DENND3: variants seen among roughly 807,000 people sequenced by gnomAD.
The protein encoded by DENND3 is DENN domain containing 3.
A neutral mutation model predicts 135.1 loss-of-function variants in DENND3; 88 were observed. That is an observed-to-expected ratio of 0.65 (90% CI 0.55 to 0.78). The LOEUF (loss-of-function observed/expected upper bound fraction) is 0.78, where lower values mean the gene tolerates loss of function less well. Among genes scored for constraint, DENND3 ranks in the 30% least tolerant of loss-of-function variants. DENND3 has a pLI of 0.00. For missense variants in DENND3, 1,392 were observed against 1,688.4 expected (o/e 0.82, Z 3.08); for synonymous variants, 693 against 712.3 (o/e 0.97, Z 0.43).
rs2154612831 is a variant in DENND3, at chr8:141,144,602, C to G, written c.735+343C>G. Among the ~76,000 whole-genome samples the G allele has an allele frequency of 6.6e-6, 1 of 152,226 alleles. No homozygotes were observed. The highest frequency in any genetic ancestry group is 2.1e-4 in the South Asian group (1 of 4,824). On this transcript the variant is annotated intron_variant, in intron 5 of 22. Coordinates refer to ENST00000519811, the MANE Select transcript of DENND3 (RefSeq NM_001352890.3). This position sits in a 1 kb window ranked among gnomAD's most constrained non-coding sequence, Gnocchi z 4.4. ...CCTCCCTACTGACTGAACAGGTTCC[C>G]TCTTGGCCAACGGGACCCTAGAAAA...
intron 1 of DENND3, 113 bp from the exon 2 acceptor site, chr8:141,136,396 T>A: frequency 8.8e-7 from 1 of 1,131,338 alleles, no homozygotes; most frequent in Non-Finnish European, 1.2e-6. Context: ...GAGGCGCCAG[T>A]GTTTATGGGC....
intron 15 of DENND3, 91 bp downstream of exon 15, chr8:141,176,852 G>A (rs564662578): frequency 5.4e-6 from 8 of 1,470,178 alleles, no homozygotes; most frequent in Middle Eastern, 5.0e-4. Flanking sequence ...TCAGCTGTGA[G>A]TGCTCGGGCT....
chr8:141,164,062 C>G (rs988761266), intron 10 of DENND3, among the ~76,000 whole-genome samples: 5 of 152,218 alleles, frequency 3.3e-5, no homozygotes, highest in African/African-American at 1.2e-4. Context: ...CCATCCCTCC[C>G]CAGGTCCTGG....
chr8:141,158,255 A>T (rs1819689753), intron 8 of DENND3: 1 of 1,289,278 alleles, frequency 7.8e-7, no homozygotes, highest in South Asian at 1.2e-5. Flanking sequence ...TGAAGGAGAC[A>T]CGTGCTTTCC....
In DENND3 at chr8:141,128,950, C is replaced by T. The variant is rs1415747100; in HGVS notation, c.102+141C>T. On this transcript the variant is annotated intron_variant, in intron 1 of 22. Transcript: ENST00000519811. The surrounding 1 kb of genome is among the most constrained non-coding windows in gnomAD (Gnocchi z 4.5). ...TCCCGGTCCCCCGGCGGTGACCCCG[C>T]GCGCCTGTGGCCGGGGATCGCGCCC... 1 of 610,214 alleles carries T rather than the reference C, an allele frequency of 1.6e-6. No individual in the cohort carries two copies. The highest frequency in any genetic ancestry group is 2.5e-6 in the Non-Finnish European group (1 of 402,484). 37.8% of individuals were successfully genotyped at this position (610,214 alleles called of 1,614,324 possible).
At chr8:141,186,067 T>A (rs933153574) in intron 18 of DENND3, among the ~76,000 whole-genome samples, 1 of 151,570 alleles carries the variant, frequency 6.6e-6, no homozygotes, top group Admixed American at 6.6e-5. Flanking sequence ...GTCTCCTGAG[T>A]AACTGGGACT....
At chr8:141,180,911 G>T in intron 17 of DENND3, 57 bp downstream of exon 17, 1 of 1,478,738 alleles carries the variant, frequency 6.8e-7, no homozygotes, top group Non-Finnish European at 9.3e-7. Context: ...GATGCGCTTA[G>T]GTTTGGGTTC....
chr8:141,128,881 G>A lies in DENND3; in HGVS notation c.102+72G>A. The A allele has an allele frequency of 2.6e-6, 3 of 1,149,374 alleles. No individual in the cohort carries two copies. The highest frequency in any genetic ancestry group is 3.4e-6 in the Non-Finnish European group (3 of 874,028). 71.2% of individuals were successfully genotyped at this position (1,149,374 alleles called of 1,614,324 possible). A position where few individuals can be genotyped will look rare whatever the true frequency, so the allele number is the denominator to read the frequency against. On this transcript the variant is annotated intron_variant, in intron 1 of 22. Transcript: ENST00000519811. The surrounding 1 kb of genome is among the most constrained non-coding windows in gnomAD (Gnocchi z 4.5). Reference sequence around the variant, plus strand: ...CCGGGACAGCAGTCGGAGAGCGGGCGCCCGGGTGCCCTGTGGGTTGGCGCG... The same window carrying A: ...CCGGGACAGCAGTCGGAGAGCGGGCACCCGGGTGCCCTGTGGGTTGGCGCG...
intron 16 of DENND3, among the ~76,000 whole-genome samples, chr8:141,179,979 G>A (rs995874661): frequency 3.3e-5 from 5 of 152,134 alleles, no homozygotes; most frequent in African/African-American, 9.7e-5. Flanking sequence ...AGGGGCCTCC[G>A]GGCAGCAATG....
chr8:141,145,829 A>G lies in DENND3; in HGVS notation c.735+1570A>G, dbSNP rs1448889528. On this transcript the variant is annotated intron_variant, in intron 5 of 22. Coordinates refer to ENST00000519811, the MANE Select transcript of DENND3 (RefSeq NM_001352890.3). ...TATATATATATATATATATATATAT[A>G]TATATATATATATATATATATGTAT... is the stretch of plus-strand genomic sequence containing the variant. Among the ~76,000 whole-genome samples the G allele has an allele frequency of 7.3e-3, 264 of 36,380 alleles. 4 individuals are homozygous for G. Among genetic ancestry groups the G allele is most frequent in the East Asian group, 0.013 (8 of 632 alleles). The allele number at this position is 36,380 out of a possible 152,430, so 23.9% of individuals were successfully genotyped here. A position where few individuals can be genotyped will look rare whatever the true frequency, so the allele number is the denominator to read the frequency against.
rs922011606 is a variant in DENND3 at position 141,175,798 on chromosome 8, A to C, written c.2535+339A>C. On this transcript the variant is annotated intron_variant, in intron 14 of 22. Transcript: ENST00000519811. The surrounding 1 kb of genome is among the most constrained non-coding windows in gnomAD (Gnocchi z 5.4). ...TAGGACGCCTTCGTTCATCCATGAG[A>C]TGTTTACTGAGAAACTGCCATGTGC... 1.1e-5 allele frequency: 4 copies of C among 351,904 alleles called. No individual in the cohort carries two copies. Among genetic ancestry groups the C allele is most frequent in the African/African-American group, 8.4e-5 (4 of 47,610 alleles). 21.8% of individuals were successfully genotyped at this position (351,904 alleles called of 1,614,324 possible).
At chr8:141,160,268 T>C (rs1381672646) in intron 8 of DENND3, among the ~76,000 whole-genome samples, 11 of 148,952 alleles carry the variant, frequency 7.4e-5, no homozygotes, top group Admixed American at 2.0e-4. Context: ...AACCTCCACC[T>C]CCCAGGTTCA....
At chr8:141,135,559 G>A (rs1816696623) in intron 1 of DENND3, among the ~76,000 whole-genome samples, 1 of 152,152 alleles carries the variant, frequency 6.6e-6, no homozygotes, top group East Asian at 1.9e-4. Context: ...AAGCTTTGCT[G>A]TTTCGGGCTA....
intron 1 of DENND3, among the ~76,000 whole-genome samples, chr8:141,129,150 G>T (rs1815595351): frequency 7.9e-5 from 12 of 152,218 alleles, no homozygotes; most frequent in Admixed American, 7.2e-4. Flanking sequence ...CTCTTCAGTC[G>T]CTCCCATCTT....
chr8:141,179,407 C>T (rs1282240809), intron 16 of DENND3, among the ~76,000 whole-genome samples: 3 of 152,254 alleles, frequency 2.0e-5, no homozygotes, highest in Non-Finnish European at 4.4e-5. Flanking sequence ...AGCCTTCTAA[C>T]GCCTCTGTTA....
chr8:141,150,757 G>A (rs774684571), intron 5 of DENND3, 77 bp from the exon 6 acceptor site: 13 of 1,472,362 alleles, frequency 8.8e-6, no homozygotes, highest in African/African-American at 4.3e-5. Context: ...CCTGGGCACC[G>A]AAATAGTGAC....
At chr8:141,172,018 C>T (rs898009429) in intron 13 of DENND3, among the ~76,000 whole-genome samples, 5 of 143,388 alleles carry the variant, frequency 3.5e-5, no homozygotes, top group East Asian at 2.1e-4. Flanking sequence ...GTGTGCATAT[C>T]GGTGTCTGTG....
Position 141,175,189 on chromosome 8 carries a change from A to T in DENND3, c.2276-11A>T. ...TGTAAGATACCTCTCTTTTCTTCTTATCAAACTAAGGACAGGAGAAACAAA... is the reference window on the plus strand; with the variant it reads ...TGTAAGATACCTCTCTTTTCTTCTTTTCAAACTAAGGACAGGAGAAACAAA... On this transcript the variant is annotated splice_polypyrimidine_tract_variant and intron_variant, in intron 13 of 22. Transcript: ENST00000519811. The surrounding 1 kb of genome is among the most constrained non-coding windows in gnomAD (Gnocchi z 5.4). 6.2e-7 allele frequency: 1 copy of T among 1,608,206 alleles called. No individual in the cohort carries two copies. Among genetic ancestry groups the T allele is most frequent in the Non-Finnish European group, 8.5e-7 (1 of 1,176,640 alleles).
At chr8:141,184,948 G>A in intron 17 of DENND3, 191 bp from the exon 18 acceptor site, 1 of 613,422 alleles carries the variant, frequency 1.6e-6, no homozygotes, top group Non-Finnish European at 2.7e-6. Flanking sequence ...TCACCAGCCA[G>A]CTGCCCCCCT....
Sources: gnomAD v4.1 joint callset for allele counts (sites outside exome capture counted in the v4.1 genomes callset) on GRCh38, gnomAD v4.1.1 for gene constraint, Gnocchi (gnomAD v3.1) non-coding constraint, MANE v1.5 for transcripts, NCBI Gene and HGNC (gene_info 2026-07-23, HGNC 2026-07-21) for gene names.